SYT1: variants seen among roughly 807,000 people sequenced by gnomAD.
The protein encoded by SYT1 is synaptotagmin 1.
In SYT1, 8 loss-of-function variants were observed where a neutral mutation model predicts 44.8. The observed-to-expected ratio is 0.18, with a 90% CI of 0.10 to 0.32. The LOEUF is 0.32. SYT1 is among the 10% of genes least tolerant of loss of function. The pLI is 1.00. For missense variants in SYT1, 286 were observed against 509.3 expected (o/e 0.56, Z 4.22); for synonymous variants, 154 against 188.8 (o/e 0.82, Z 1.51).
chr12:78,981,474 A>G (rs572714668), intron 2 of SYT1, among the ~76,000 whole-genome samples: 2 of 152,324 alleles, frequency 1.3e-5, no homozygotes, highest in East Asian at 3.9e-4. Context: ...ATATCCATTT[A>G]GAAAGCAGCT....
chr12:79,018,917 C>T lies in SYT1; in HGVS notation c.-83-28380C>T, dbSNP rs151258389. Among the ~76,000 whole-genome samples, 449 of 135,922 alleles carry T rather than the reference C, an allele frequency of 3.3e-3. 2 individuals are homozygous for T. The highest frequency in any genetic ancestry group is 0.013 in the African/African-American group (438 of 34,160). 89.2% of individuals were successfully genotyped at this position (135,922 alleles called of 152,430 possible). ...TAAAATGGGAGAATAATATCTGCCT[C>T]ATAATTATTTCTAAAATTAAATGAA... On this transcript the variant is annotated intron_variant, in intron 2 of 10. Transcript: ENST00000261205.
intron 1 of SYT1, among the ~76,000 whole-genome samples, chr12:78,973,486 C>T (rs573964969): frequency 9.9e-5 from 15 of 152,210 alleles, no homozygotes; most frequent in African/African-American, 3.4e-4. Flanking sequence ...TATCATCCAG[C>T]AAGCCCATTA....
intron 1 of SYT1, among the ~76,000 whole-genome samples, chr12:78,876,463 GTTTTTTT>G (rs1555177002): frequency 4.8e-5 from 2 of 41,534 alleles, no homozygotes; most frequent in African/African-American, 1.2e-4. Context: ...AAATGGAGGT[GTTTTTTT>G]TTTTTTTTTT....
intron 4 of SYT1, among the ~76,000 whole-genome samples, chr12:79,237,927 G>C (rs1370699578): frequency 3.3e-5 from 5 of 152,200 alleles, no homozygotes; most frequent in Admixed American, 2.0e-4. Context: ...ACATATTAAA[G>C]TGAGATACAA....
chr12:79,063,714 G>A (rs939794575), intron 3 of SYT1, among the ~76,000 whole-genome samples: 1 of 152,060 alleles, frequency 6.6e-6, no homozygotes, highest in African/African-American at 2.4e-5. Flanking sequence ...AATGGGAATT[G>A]GGTAAAGAAA....
Position 79,383,212 on chromosome 12 carries a change from TAGGGTA to T in SYT1, c.928+29594_928+29599del, listed in dbSNP as rs370110129. ...TGTAGCCTGCTACATACCTAAGCTA[TAGGGTA>T]TAGCCTATTGCTCCAAGGCTACAAA... On this transcript the variant is annotated intron_variant, in intron 9 of 10. Transcript: ENST00000261205. Among the ~76,000 whole-genome samples the T allele has an allele frequency of 4.5e-3, 691 of 152,318 alleles. 7 individuals carry two copies. The highest frequency in any genetic ancestry group is 0.016 in the African/African-American group (660 of 41,574).
intron 9 of SYT1, among the ~76,000 whole-genome samples, chr12:79,389,548 A>C (rs1048228020): frequency 6.6e-6 from 1 of 152,220 alleles, no homozygotes; most frequent in Admixed American, 6.5e-5. Context: ...TATTTTACAG[A>C]GGAGGAAACT....
At position 79,217,558 on chromosome 12, in the gene SYT1, G is replaced by A. The variant is rs374005304; in HGVS notation, c.39G>A (p.Pro13=). The A allele has an allele frequency of 5.1e-5, 82 of 1,610,032 alleles. 1 individual carries two copies. The Middle Eastern group carries it at 1.5e-3, about 29-fold the overall frequency. ...SESHHEALAA[P]PVTTVATVLP... is the part of the protein sequence containing the mutation. ...GTCACCATGAGGCCCTGGCAGCCCC[G>A]CCTGTCACCACTGTCGCGACTGTTC... The change falls in exon 4 of 11, where the codon CCG becomes CCA. Residue 13 remains proline, a synonymous_variant. Coordinates refer to ENST00000261205, the MANE Select transcript of SYT1 (RefSeq NM_005639.3).
intron 3 of SYT1, among the ~76,000 whole-genome samples, chr12:79,114,378 T>C (rs187593626): frequency 1.5e-4 from 23 of 152,244 alleles, no homozygotes; most frequent in African/African-American, 5.5e-4. Context: ...TAGGATAATC[T>C]GGAGGCAGAA....
intron 3 of SYT1, among the ~76,000 whole-genome samples, chr12:79,157,620 G>A (rs80226720): frequency 0.1 from 15,590 of 152,052 alleles, 1,044 homozygotes; most frequent in Middle Eastern, 0.16. Flanking sequence ...TGGAGTATTG[G>A]ACAAATGTCA....
chr12:79,189,195 T>TA (rs1872971219), intron 3 of SYT1, among the ~76,000 whole-genome samples: 1 of 152,136 alleles, frequency 6.6e-6, no homozygotes, highest in Non-Finnish European at 1.5e-5. Flanking sequence ...AGCTATTTCT[T>TA]AAAAAAGAGT....
At chr12:79,170,048 A>G (rs971228978) in intron 3 of SYT1, among the ~76,000 whole-genome samples, 30 of 152,080 alleles carry the variant, frequency 2.0e-4, no homozygotes, top group Non-Finnish European at 7.4e-5. Flanking sequence ...TTATGGCTAC[A>G]TAGTATTCCG....
chr12:79,138,120 T>C (rs1869317571), intron 3 of SYT1, among the ~76,000 whole-genome samples: 1 of 152,222 alleles, frequency 6.6e-6, no homozygotes, highest in Admixed American at 6.5e-5. Context: ...TACAGCTTTC[T>C]CAAGTACTGA....
chr12:79,400,011 T>C (rs1033107035), intron 9 of SYT1, among the ~76,000 whole-genome samples: 8 of 152,200 alleles, frequency 5.3e-5, no homozygotes, highest in African/African-American at 1.9e-4. Flanking sequence ...CAAATTGACT[T>C]GAGTTAATGC....
At chr12:79,388,638 G>C (rs1884533460) in intron 9 of SYT1, among the ~76,000 whole-genome samples, 2 of 152,156 alleles carry the variant, frequency 1.3e-5, no homozygotes, top group Non-Finnish European at 2.9e-5. Flanking sequence ...TTGAGCCAGG[G>C]ATGTGGCGGT....
At chr12:79,002,007 A>G (rs1387943440) in intron 2 of SYT1, among the ~76,000 whole-genome samples, 2 of 152,100 alleles carry the variant, frequency 1.3e-5, no homozygotes, top group Non-Finnish European at 2.9e-5. Flanking sequence ...CTATTTTAAG[A>G]GCATTCTCTA....
At chr12:79,414,192 T>C (rs1182605281) in intron 9 of SYT1, among the ~76,000 whole-genome samples, 1 of 152,062 alleles carries the variant, frequency 6.6e-6, no homozygotes, top group Admixed American at 6.6e-5. Flanking sequence ...GAAGGAGAAA[T>C]TGAATGTGGG....
At chr12:79,326,592 G>C (rs1217810835) in intron 8 of SYT1, among the ~76,000 whole-genome samples, 3 of 152,170 alleles carry the variant, frequency 2.0e-5, no homozygotes, top group African/African-American at 7.2e-5. Context: ...TTGACATCCA[G>C]GCTCTCCATG....
intron 2 of SYT1, among the ~76,000 whole-genome samples, chr12:78,983,652 T>C (rs1471610598): frequency 6.6e-6 from 1 of 152,108 alleles, no homozygotes; most frequent in African/African-American, 2.4e-5. Context: ...CATTTACTTG[T>C]GTACACATAT....
Sources: gnomAD v4.1 joint callset for allele counts (sites outside exome capture counted in the v4.1 genomes callset) on GRCh38, gnomAD v4.1.1 for gene constraint, MANE v1.5 for transcripts, NCBI Gene and HGNC (gene_info 2026-07-23, HGNC 2026-07-21) for gene names.